Variants in ANKHD1 observed in about 807,000 individuals in gnomAD.
The protein encoded by ANKHD1 is ankyrin repeat and KH domain-containing protein 1.
In ANKHD1, 31 loss-of-function variants were observed where a neutral mutation model predicts 230.5. That is an observed-to-expected ratio of 0.13 (90% CI 0.10 to 0.18). The LOEUF is 0.18. Among genes scored for constraint, ANKHD1 ranks in the 10% least tolerant of loss-of-function variants. The probability of loss-of-function intolerance (pLI) is 1.00; values close to 1 mark genes in which losing one functional copy is unlikely to be tolerated. For missense variants in ANKHD1, 2,256 were observed against 3,071.3 expected, an observed-to-expected ratio of 0.73 and a Z score of 6.27; for synonymous variants, 1,074 against 1,117.6, an observed-to-expected ratio of 0.96 and a Z score of 0.78.
At chr5:140,510,759 G>T (rs1046817666) in intron 22 of ANKHD1, among the ~76,000 whole-genome samples, 2 of 151,944 alleles carry the variant, frequency 1.3e-5, no homozygotes, top group Admixed American at 1.3e-4. Flanking sequence ...ATTTTTTTGT[G>T]CCTAAAGAGG....
intron 1 of ANKHD1, among the ~76,000 whole-genome samples, chr5:140,430,592 G>C (rs1772955348): frequency 6.6e-6 from 1 of 151,048 alleles, no homozygotes; most frequent in African/African-American, 2.4e-5. Context: ...TAAGTATACA[G>C]AATGTATACA....
chr5:140,529,378 C>T lies in ANKHD1; in HGVS notation c.6432C>T (p.Tyr2144=). ...SHRMQPRGSF[Y]SMVPNATIHQ... is the part of the protein sequence containing the mutation. ...GAATGCAGCCCAGAGGTTCTTTTTA[C>T]TCCATGGTACCAAATGCAACTATTC... The change falls in exon 29 of 34, where the codon TAC becomes TAT. Residue 2144 remains tyrosine, a synonymous_variant. Coordinates refer to ENST00000360839, the MANE Select transcript of ANKHD1 (RefSeq NM_017747.3). 1 of 1,614,204 alleles carries T rather than the reference C, an allele frequency of 6.2e-7. No individual in the cohort carries two copies. The highest frequency in any genetic ancestry group is 8.5e-7 in the Non-Finnish European group (1 of 1,180,036).
intron 1 of ANKHD1, among the ~76,000 whole-genome samples, chr5:140,404,728 ATTTT>A (rs753895215): frequency 7.4e-6 from 1 of 135,706 alleles, no homozygotes; most frequent in Admixed American, 7.4e-5. Flanking sequence ...CCCGGCCTTA[ATTTT>A]TTTTTTTTTT....
intron 1 of ANKHD1, among the ~76,000 whole-genome samples, chr5:140,422,982 C>T (rs1047887770): frequency 6.6e-6 from 1 of 151,574 alleles, no homozygotes. Flanking sequence ...TTCAAGCAAT[C>T]CTCCCACCTC....
Position 140,497,633 on chromosome 5 carries a change from A to G in ANKHD1, c.3004+355A>G, listed in dbSNP as rs148045345. Among the ~76,000 whole-genome samples the G allele has an allele frequency of 4.2e-3, 642 of 152,308 alleles. 3 individuals are homozygous for G. Among genetic ancestry groups the G allele is most frequent in the African/African-American group, 0.015 (606 of 41,562 alleles). Reference sequence around the variant, plus strand: ...AAGTATTCGTATAAGATTATACTTAAAATTTTCCTGCTGTTGATTTTCATG... The same window carrying G: ...AAGTATTCGTATAAGATTATACTTAGAATTTTCCTGCTGTTGATTTTCATG... On this transcript the variant is annotated intron_variant, in intron 15 of 33. Coordinates refer to ENST00000360839, the MANE Select transcript of ANKHD1 (RefSeq NM_017747.3).
intron 30 of ANKHD1, among the ~76,000 whole-genome samples, chr5:140,536,609 T>C (rs558907113): frequency 6.6e-6 from 1 of 152,224 alleles, no homozygotes; most frequent in African/African-American, 2.4e-5. Context: ...CCTTATTTCC[T>C]TATAGAAACA....
At chr5:140,416,111 A>G (rs1369176623) in intron 1 of ANKHD1, among the ~76,000 whole-genome samples, 2 of 152,196 alleles carry the variant, frequency 1.3e-5, no homozygotes, top group Non-Finnish European at 2.9e-5. Flanking sequence ...TACAAAGGAT[A>G]CAAACTCATC....
Position 140,537,203 on chromosome 5 carries a change from T to C in ANKHD1, c.7028-186T>C, listed in dbSNP as rs1754125209. ...GATAATGTCTATAGAAATTATGTTTTATTTGAATGTTCTTTTAAAATGAAA... is the reference window on the plus strand; with the variant it reads ...GATAATGTCTATAGAAATTATGTTTCATTTGAATGTTCTTTTAAAATGAAA... On this transcript the variant is annotated intron_variant, in intron 30 of 33. Transcript: ENST00000360839. 7 of 1,046,964 alleles carry C rather than the reference T, an allele frequency of 6.7e-6. 1 individual carries two copies. In the South Asian group the frequency reaches 1.5e-4, roughly 22 times the overall value. 64.9% of individuals were successfully genotyped at this position (1,046,964 alleles called of 1,614,324 possible).
At chr5:140,536,402 T>C (rs1754077843) in intron 30 of ANKHD1, among the ~76,000 whole-genome samples, 1 of 152,208 alleles carries the variant, frequency 6.6e-6, no homozygotes, top group South Asian at 2.1e-4. Flanking sequence ...CCCTTTGTTC[T>C]ATTTATTTCA....
intron 7 of ANKHD1, among the ~76,000 whole-genome samples, chr5:140,456,301 A>G (rs1253104400): frequency 1.3e-5 from 2 of 152,220 alleles, no homozygotes; most frequent in Non-Finnish European, 2.9e-5. Flanking sequence ...TAATTTATAG[A>G]TTCAATGCCA....
rs559633215 is a variant in ANKHD1, at chr5:140,527,299, T to C, written c.5087+225T>C. The C allele has an allele frequency of 4.0e-6, 2 of 503,174 alleles. No homozygotes were observed. The highest frequency in any genetic ancestry group is 8.4e-5 in the East Asian group (2 of 23,768). The allele number at this position is 503,174 out of a possible 1,614,324, so 31.2% of individuals were successfully genotyped here. On this transcript the variant is annotated intron_variant, in intron 27 of 33. Transcript: ENST00000360839. This position sits in a 1 kb window ranked among gnomAD's most constrained non-coding sequence, Gnocchi z 4.5. ...TTTTGGCTTTTTTGGATAACCTCAG[T>C]TGCTTTTTATGTAGTTCAAATGTAA...
Position 140,524,225 on chromosome 5 carries a change from G to C in ANKHD1, c.4477G>C (p.Glu1493Gln). 1.9e-6 allele frequency: 3 copies of C among 1,570,912 alleles called. No homozygotes were observed. The highest frequency in any genetic ancestry group is 2.6e-6 in the Non-Finnish European group (3 of 1,168,512). ...SELPEDEDEE[E>Q]NDEDVEQEVP... is the part of the protein sequence containing the mutation. Reference sequence around the variant, plus strand: ...ACTACCAGAGGATGAAGATGAAGAGGAGAATGATGAAGATGGTGAGAAACA... The same window carrying C: ...ACTACCAGAGGATGAAGATGAAGAGCAGAATGATGAAGATGGTGAGAAACA... The change falls in exon 25 of 34, where the codon GAG becomes CAG. Residue 1493 changes from glutamate to glutamine, a missense_variant. This residue lies in a region of ANKHD1 where 212 missense variants were observed against 257.3 expected (regional missense o/e 0.82). Transcript: ENST00000360839.
At chr5:140,435,671 G>A (rs1001721010) in intron 1 of ANKHD1, among the ~76,000 whole-genome samples, 2 of 151,932 alleles carry the variant, frequency 1.3e-5, no homozygotes, top group Non-Finnish European at 2.9e-5. Flanking sequence ...GAGCCACTGC[G>A]CCCAGCCCCT....
rs1440693468 is a variant in ANKHD1, at chr5:140,506,697, T to A, written c.3409-138T>A. 7.6e-7 allele frequency: 1 copy of A among 1,307,474 alleles called. No individual in the cohort carries two copies. The highest frequency in any genetic ancestry group is 1.0e-6 in the Non-Finnish European group (1 of 963,114). The allele number at this position is 1,307,474 out of a possible 1,614,324, so 81.0% of individuals were successfully genotyped here. A position where few individuals can be genotyped will look rare whatever the true frequency, so the allele number is the denominator to read the frequency against. ...TTTCTCTAGTGTTGATATTTCAATA[T>A]TTAGGGTCTAATGAAATGTAATTAA... On this transcript the variant is annotated intron_variant, in intron 18 of 33. Transcript: ENST00000360839. The surrounding 1 kb of genome is among the most constrained non-coding windows in gnomAD (Gnocchi z 4.7).
At chr5:140,463,217 C>T (rs1775845844) in intron 9 of ANKHD1, among the ~76,000 whole-genome samples, 1 of 152,092 alleles carries the variant, frequency 6.6e-6, no homozygotes, top group Non-Finnish European at 1.5e-5. Context: ...ATGGCCTTTA[C>T]TTCATCACGG....
intron 1 of ANKHD1, among the ~76,000 whole-genome samples, chr5:140,435,694 T>A (rs1773391457): frequency 6.6e-6 from 1 of 151,862 alleles, no homozygotes; most frequent in Non-Finnish European, 1.5e-5. Flanking sequence ...TTTTCTTTTT[T>A]CAGTATTAAT....
At position 140,445,821 on chromosome 5, in the gene ANKHD1, A is replaced by G; in HGVS notation, c.993A>G (p.Ile331Met). Residue 331 changes from isoleucine to methionine, a missense_variant, in exon 6 of 34, where the codon ATA becomes ATG. Physicochemically the swap from Ile to Met is conservative, Grantham distance 10 (BLOSUM62 1). Coordinates refer to ENST00000360839, the MANE Select transcript of ANKHD1 (RefSeq NM_017747.3). ...TGCTCCTTAATGAAGGTGCAAATAT[A>G]GAAGATCATAATGAAAATGGACATA... ...VKVLLNEGANIEDHNENGHTP... is the reference protein window; with the variant it reads ...VKVLLNEGANMEDHNENGHTP... 1.9e-6 allele frequency: 3 copies of G among 1,613,804 alleles called. No homozygotes were observed. The highest frequency in any genetic ancestry group is 2.5e-6 in the Non-Finnish European group (3 of 1,179,824).
chr5:140,452,025 G>A (rs1282727953), intron 7 of ANKHD1, among the ~76,000 whole-genome samples: 1 of 152,030 alleles, frequency 6.6e-6, no homozygotes, highest in Non-Finnish European at 1.5e-5. Context: ...GCATGAGACG[G>A]GTGATTTCTG....
rs772951480 is a variant in ANKHD1, at chr5:140,445,817, A to T, written c.989A>T (p.Asn330Ile). The T allele has an allele frequency of 6.2e-7, 1 of 1,613,742 alleles. No individual in the cohort carries two copies. The highest frequency in any genetic ancestry group is 8.5e-7 in the Non-Finnish European group (1 of 1,179,822). ...AAAGTGCTCCTTAATGAAGGTGCAA[A>T]TATAGAAGATCATAATGAAAATGGA... is the stretch of plus-strand genomic sequence containing the variant. ...IVKVLLNEGA[N>I]IEDHNENGHT... is the part of the protein sequence containing the mutation. The change falls in exon 6 of 34, where the codon AAT becomes ATT. Residue 330 changes from asparagine to isoleucine, a missense_variant. Asn to Ile is a moderately radical substitution (Grantham distance 149). Transcript: ENST00000360839.
Sources: allele counts gnomAD v4.1 joint callset (sites outside exome capture counted in the v4.1 genomes callset), GRCh38; gene constraint gnomAD v4.1.1; regional missense constraint gnomAD v4.1.1; non-coding constraint Gnocchi (gnomAD v3.1); transcripts MANE v1.5; gene names NCBI Gene and HGNC (gene_info 2026-07-23, HGNC 2026-07-21).